Variants in PRLR observed in about 807,000 individuals in gnomAD.
The protein encoded by PRLR is prolactin receptor.
In PRLR, 13 loss-of-function variants were observed where a neutral mutation model predicts 40.2. The ratio of observed to expected loss-of-function variants is 0.32; its 90% CI spans 0.21 to 0.51. The LOEUF (loss-of-function observed/expected upper bound fraction) is 0.51. Among genes scored for constraint, PRLR ranks in the 20% least tolerant of loss-of-function variants. The pLI, the probability that PRLR is intolerant of heterozygous loss-of-function variation, is 0.97. For synonymous variants in PRLR, 269 were observed against 278.7 expected (o/e 0.97, Z 0.35); for missense variants, 656 against 747.3 (o/e 0.88, Z 1.42).
chr5:35,138,869 G>T (rs1773932875), intron 1 of PRLR, among the ~76,000 whole-genome samples: 1 of 152,096 alleles, frequency 6.6e-6, no homozygotes, highest in South Asian at 2.1e-4. Context: ...AAATCTTCCA[G>T]TTAAATCATG....
intron 1 of PRLR, among the ~76,000 whole-genome samples, chr5:35,161,493 C>T (rs1455941820): frequency 6.6e-6 from 1 of 152,204 alleles, no homozygotes; most frequent in African/African-American, 2.4e-5. Context: ...ATCCTGATCC[C>T]TAAAAATCAC....
chr5:35,215,740 G>C (rs2111655972), intron 1 of PRLR, among the ~76,000 whole-genome samples: 1 of 151,972 alleles, frequency 6.6e-6, no homozygotes, highest in East Asian at 1.9e-4. Flanking sequence ...TTGCTATTTA[G>C]AAATAGAAGT....
chr5:35,188,344 C>T (rs1267863478), intron 1 of PRLR, among the ~76,000 whole-genome samples: 2 of 152,208 alleles, frequency 1.3e-5, no homozygotes, highest in Non-Finnish European at 2.9e-5. Flanking sequence ...AACACTTTTA[C>T]ACTCGTCAGC....
chr5:35,228,540 T>C (rs1776611101), intron 1 of PRLR, among the ~76,000 whole-genome samples: 1 of 152,218 alleles, frequency 6.6e-6, no homozygotes, highest in Non-Finnish European at 1.5e-5. Context: ...AGCCTTGGCC[T>C]CCCTGCCATC....
At position 35,125,888 on chromosome 5, in the gene PRLR, T is replaced by C. The variant is rs182759397; in HGVS notation, c.-105-7766A>G. Among the ~76,000 whole-genome samples the C allele has an allele frequency of 4.3e-3, 661 of 152,314 alleles. 3 individuals are homozygous for C. Among genetic ancestry groups the C allele is most frequent in the Middle Eastern group, 0.01 (3 of 294 alleles). On this transcript the variant is annotated intron_variant, in intron 1 of 9. Coordinates refer to ENST00000618457, the MANE Select transcript of PRLR (RefSeq NM_000949.7). ...ATTATGTCAGCCTGGTTGGGGAACA[T>C]CTAAATGCCATTTGTCCTTGACCTT... is the stretch of plus-strand genomic sequence containing the variant.
At chr5:35,136,299 A>G (rs1407635686) in intron 1 of PRLR, among the ~76,000 whole-genome samples, 1 of 152,210 alleles carries the variant, frequency 6.6e-6, no homozygotes, top group Non-Finnish European at 1.5e-5. Flanking sequence ...GGTGAAGGAA[A>G]AAGAGACGAG....
At chr5:35,197,009 A>C (rs1775754770) in intron 1 of PRLR, among the ~76,000 whole-genome samples, 1 of 152,172 alleles carries the variant, frequency 6.6e-6, no homozygotes, top group Non-Finnish European at 1.5e-5. Flanking sequence ...AGCCTCCCAA[A>C]GGCTCCATTA....
rs115357692 is a variant in PRLR, at chr5:35,180,087, G to A, written c.-106+50181C>T. 6.4e-3 allele frequency among the ~76,000 whole-genome samples: 974 copies of A among 152,290 alleles called. 9 individuals are homozygous for A. The highest frequency in any genetic ancestry group is 0.014 in the Middle Eastern group (4 of 294). The stretch of plus-strand genomic sequence containing the variant: ...ACCACGCATTATAGTCTCATAAGGA[G>A]TGTGCAACCTAGATCCCTCACATGT... On this transcript the variant is annotated intron_variant, in intron 1 of 9. Transcript: ENST00000618457.
At chr5:35,205,352 A>G (rs1460248819) in intron 1 of PRLR, among the ~76,000 whole-genome samples, 1 of 152,254 alleles carries the variant, frequency 6.6e-6, no homozygotes, top group South Asian at 2.1e-4. Context: ...ACATGTTATG[A>G]CTAACATTAC....
Position 35,065,645 on chromosome 5 carries a change from T to C in PRLR, c.1313A>G (p.Glu438Gly). 1 of 1,614,140 alleles carries C rather than the reference T, an allele frequency of 6.2e-7. No individual in the cohort carries two copies. The highest frequency in any genetic ancestry group is 8.5e-7 in the Non-Finnish European group (1 of 1,180,034). ...TGCACCTGCAGGGCCCACAGCCAGC[T>C]CACACACATCAGTAATATTGTGGTA... ...SSYHNITDVC[E>G]LAVGPAGAPA... The change falls in exon 10 of 10, where the codon GAG becomes GGG. Residue 438 changes from glutamate to glycine, a missense_variant. Around this residue, in one of 3 missense-constraint regions of PRLR, gnomAD observed 469 missense variants for 491.5 expected, o/e 0.95. Coordinates refer to ENST00000618457, the MANE Select transcript of PRLR (RefSeq NM_000949.7).
chr5:35,226,128 T>C (rs1305541055), intron 1 of PRLR, among the ~76,000 whole-genome samples: 2 of 152,240 alleles, frequency 1.3e-5, no homozygotes, highest in African/African-American at 4.8e-5. Context: ...GACAGTTCAG[T>C]TGTAGGTGCA....
At chr5:35,187,330 G>A (rs1048640018) in intron 1 of PRLR, among the ~76,000 whole-genome samples, 1 of 151,986 alleles carries the variant, frequency 6.6e-6, no homozygotes, top group Non-Finnish European at 1.5e-5. Context: ...GAACCCTGGA[G>A]GCAGAGGTTG....
intron 2 of PRLR, among the ~76,000 whole-genome samples, chr5:35,093,519 C>G (rs1771350912): frequency 1.3e-5 from 2 of 152,194 alleles, no homozygotes; most frequent in Admixed American, 6.5e-5. Flanking sequence ...CAACCTTCTA[C>G]TCAGGTTTTT....
In PRLR at chr5:35,173,324, T is replaced by C. The variant is rs1317618955; in HGVS notation, c.-105-55202A>G. 4.6e-5 allele frequency among the ~76,000 whole-genome samples: 7 copies of C among 152,368 alleles called. No individual in the cohort carries two copies. In the South Asian group the frequency reaches 6.2e-4, roughly 14 times the overall value. On this transcript the variant is annotated intron_variant, in intron 1 of 9. Transcript: ENST00000618457. ...GAAAAGCTTCACTGTGATGGTAGAATGGCAGGTGGAGAAAATGGAATTACT... is the reference window on the plus strand; with the variant it reads ...GAAAAGCTTCACTGTGATGGTAGAACGGCAGGTGGAGAAAATGGAATTACT...
chr5:35,068,855 C>T lies in PRLR; in HGVS notation c.709G>A (p.Val237Met), dbSNP rs534848563. 3.7e-5 allele frequency: 59 copies of T among 1,612,420 alleles called. No homozygotes were observed. In the East Asian group the frequency reaches 4.0e-4, roughly 11 times the overall value. ...PSDFTMNDTTVWISVAVLSAV... is the reference protein window; with the variant it reads ...PSDFTMNDTTMWISVAVLSAV... ...GAAAGGACAGCCACAGAGATCCACA[C>T]GGTTGTATCATTCATGGTGAAGTCT... is the stretch of plus-strand genomic sequence containing the variant. The change falls in exon 8 of 10, where the codon GTG becomes ATG. Residue 237 changes from valine to methionine, a missense_variant. Transcript: ENST00000618457.
intron 1 of PRLR, among the ~76,000 whole-genome samples, chr5:35,201,078 C>A (rs1348139254): frequency 6.6e-6 from 1 of 152,152 alleles, no homozygotes; most frequent in Non-Finnish European, 1.5e-5. Context: ...TTGGGCAAGT[C>A]ACTTAAGCCC....
At chr5:35,099,354 C>T (rs917526521) in intron 2 of PRLR, among the ~76,000 whole-genome samples, 9 of 152,264 alleles carry the variant, frequency 5.9e-5, no homozygotes, top group African/African-American at 1.7e-4. Flanking sequence ...AACATCGTAA[C>T]GTAATGCTTT....
intron 5 of PRLR, among the ~76,000 whole-genome samples, chr5:35,077,741 C>T (rs1008611246): frequency 6.6e-6 from 1 of 152,206 alleles, no homozygotes; most frequent in African/African-American, 2.4e-5. Context: ...CCTAAATCAA[C>T]AGAATATACA....
chr5:35,132,990 C>T (rs1266742721), intron 1 of PRLR, among the ~76,000 whole-genome samples: 1 of 152,192 alleles, frequency 6.6e-6, no homozygotes. Flanking sequence ...TTTATCTAAT[C>T]TACTGTGGGC....
Sources: gnomAD v4.1 joint callset for allele counts (sites outside exome capture counted in the v4.1 genomes callset) on GRCh38, gnomAD v4.1.1 for gene constraint, gnomAD v4.1.1 regional missense constraint, MANE v1.5 for transcripts, NCBI Gene and HGNC (gene_info 2026-07-23, HGNC 2026-07-21) for gene names.